EML5: variants seen among roughly 807,000 people sequenced by gnomAD.
The protein encoded by EML5 is EMAP like 5, also known as echinoderm microtubule-associated protein-like 5.
EML5 carries 120 observed loss-of-function variants against 250.0 expected under a neutral mutation model. The ratio of observed to expected loss-of-function variants is 0.48; its 90% CI spans 0.41 to 0.56. The LOEUF is 0.56. Among genes scored for constraint, EML5 ranks in the 20% least tolerant of loss-of-function variants. EML5 has a pLI of 0.00. For synonymous variants in EML5, 771 were observed against 806.5 expected (o/e 0.96, Z 0.75); for missense variants, 2,006 against 2,437.6 (o/e 0.82, Z 3.73).
rs1480207554 is a variant in EML5 at position 88,627,823 on chromosome 14, A to G, written c.4358-4T>C. ...ATGTGAATAGAAGGAGCTGTAGCTA[A>G]ATAAAGATAGTATCAAAAAGTTGTA... On this transcript the variant is annotated splice_polypyrimidine_tract_variant and splice_region_variant and intron_variant, in intron 33 of 43. Transcript: ENST00000554922. 5.1e-6 allele frequency: 8 copies of G among 1,575,018 alleles called. No homozygotes were observed. The highest frequency in any genetic ancestry group is 6.9e-6 in the Non-Finnish European group (8 of 1,162,604).
intron 4 of EML5, among the ~76,000 whole-genome samples, chr14:88,742,136 T>C (rs1360963186): frequency 6.6e-6 from 1 of 152,162 alleles, no homozygotes; most frequent in African/African-American, 2.4e-5. Flanking sequence ...AGACAGAATC[T>C]CTGAAGCATG....
At chr14:88,658,667 G>A (rs1193903325) in intron 25 of EML5, among the ~76,000 whole-genome samples, 1 of 152,078 alleles carries the variant, frequency 6.6e-6, no homozygotes, top group Non-Finnish European at 1.5e-5. Context: ...GCATAAAAAT[G>A]TTCTTGTATT....
At chr14:88,714,123 C>T (rs1008962889) in intron 9 of EML5, among the ~76,000 whole-genome samples, 1 of 151,970 alleles carries the variant, frequency 6.6e-6, no homozygotes, top group Non-Finnish European at 1.5e-5. Context: ...CAGGCGTGAG[C>T]CACTATGCCC....
At chr14:88,650,651 C>T (rs1443114147) in intron 27 of EML5, among the ~76,000 whole-genome samples, 2 of 151,404 alleles carry the variant, frequency 1.3e-5, no homozygotes, top group South Asian at 2.1e-4. Flanking sequence ...TTTATTTATT[C>T]TCCCAGAGAC....
chr14:88,717,026 T>C (rs965502812), intron 8 of EML5, among the ~76,000 whole-genome samples: 3 of 152,204 alleles, frequency 2.0e-5, no homozygotes, highest in African/African-American at 7.2e-5. Flanking sequence ...TACTCATACA[T>C]GAACAGTTCA....
intron 8 of EML5, among the ~76,000 whole-genome samples, chr14:88,726,025 G>T (rs2093661331): frequency 6.6e-6 from 1 of 152,170 alleles, no homozygotes; most frequent in Non-Finnish European, 1.5e-5. Flanking sequence ...TGACTGCATA[G>T]AATTCAATTG....
intron 6 of EML5, 96 bp downstream of exon 6, chr14:88,738,783 A>G: frequency 1.2e-5 from 17 of 1,379,328 alleles, no homozygotes; most frequent in Non-Finnish European, 1.6e-5. Context: ...TCTTATTTAT[A>G]TTTACAAAAC....
chr14:88,777,831 T>C (rs2094460963), intron 1 of EML5, among the ~76,000 whole-genome samples: 1 of 152,032 alleles, frequency 6.6e-6, no homozygotes, highest in Admixed American at 6.6e-5. Context: ...AAAAATTAGC[T>C]GGACATGGTG....
chr14:88,677,956 A>T (rs2092632912), intron 21 of EML5, among the ~76,000 whole-genome samples: 1 of 152,218 alleles, frequency 6.6e-6, no homozygotes, highest in Non-Finnish European at 1.5e-5. Flanking sequence ...TACACAAAGG[A>T]ACAGAAATCA....
In EML5 at chr14:88,716,440, T is replaced by C. The variant is rs193202435; in HGVS notation, c.1188-1245A>G. On this transcript the variant is annotated intron_variant, in intron 8 of 43. Transcript: ENST00000554922. The stretch of plus-strand genomic sequence containing the variant: ...GTTAACATTAAATCCATATACCGTA[T>C]TGCCCTTTGCTCCATATCCATCCAT... Among the ~76,000 whole-genome samples the C allele has an allele frequency of 1.5e-3, 226 of 152,290 alleles. 2 individuals carry two copies. Among genetic ancestry groups the C allele is most frequent in the African/African-American group, 5.1e-3 (212 of 41,552 alleles).
intron 25 of EML5, among the ~76,000 whole-genome samples, chr14:88,661,449 T>C (rs117347064): frequency 6.6e-6 from 1 of 152,296 alleles, no homozygotes; most frequent in East Asian, 1.9e-4. Context: ...AAAAACACTA[T>C]AGGATATGAT....
At chr14:88,632,486 G>C (rs2090494539) in intron 33 of EML5, among the ~76,000 whole-genome samples, 1 of 152,182 alleles carries the variant, frequency 6.6e-6, no homozygotes, top group Non-Finnish European at 1.5e-5. Flanking sequence ...TCCTGCATGA[G>C]ATGACCACTA....
intron 6 of EML5, among the ~76,000 whole-genome samples, 186 bp downstream of exon 6, chr14:88,738,693 C>G (rs545850795): frequency 2.0e-5 from 3 of 152,166 alleles, no homozygotes; most frequent in African/African-American, 7.2e-5. Flanking sequence ...AACAATGAAC[C>G]TAAACTCTTT....
chr14:88,657,842 T>C (rs1195663688), intron 26 of EML5, among the ~76,000 whole-genome samples: 2 of 152,172 alleles, frequency 1.3e-5, no homozygotes, highest in Non-Finnish European at 2.9e-5. Context: ...CTGTGTTTAA[T>C]TTTTATGGCA....
chr14:88,755,002 G>A (rs772302728), intron 1 of EML5, among the ~76,000 whole-genome samples: 10 of 151,776 alleles, frequency 6.6e-5, no homozygotes, highest in East Asian at 1.9e-4. Context: ...ATGGGGTTTC[G>A]CCACATTGGC....
chr14:88,643,933 C>T (rs977508012), intron 30 of EML5, among the ~76,000 whole-genome samples: 1 of 152,154 alleles, frequency 6.6e-6, no homozygotes, highest in Non-Finnish European at 1.5e-5. Context: ...CTACTGCTAC[C>T]GGGATTATGA....
chr14:88,749,363 C>G (rs924197178), intron 2 of EML5, among the ~76,000 whole-genome samples: 11 of 152,042 alleles, frequency 7.2e-5, no homozygotes, highest in African/African-American at 2.7e-4. Context: ...TGAGTCAAAA[C>G]AAAGTCTTTT....
chr14:88,628,846 T>TA (rs959150079), intron 33 of EML5, among the ~76,000 whole-genome samples: 1 of 152,026 alleles, frequency 6.6e-6, no homozygotes, highest in South Asian at 2.1e-4. Flanking sequence ...ACCAGAGACT[T>TA]AGAGTATCAT....
intron 7 of EML5, among the ~76,000 whole-genome samples, chr14:88,727,401 A>ATTTTT (rs3055841): frequency 2.3e-5 from 3 of 131,720 alleles, no homozygotes; most frequent in African/African-American, 2.9e-5. Flanking sequence ...GATACACTGC[A>ATTTTT]TTTTTTTTTT....
Sources: gnomAD v4.1 joint callset for allele counts (sites outside exome capture counted in the v4.1 genomes callset) on GRCh38, gnomAD v4.1.1 for gene constraint, MANE v1.5 for transcripts, NCBI Gene and HGNC (gene_info 2026-07-23, HGNC 2026-07-21) for gene names.